Variants in PALM2AKAP2 observed in about 807,000 individuals in gnomAD.
PALM2AKAP2 encodes PALM2 and AKAP2 fusion.
In PALM2AKAP2, 37 loss-of-function variants were observed where a neutral mutation model predicts 71.5. That is an observed-to-expected ratio of 0.52 (90% confidence interval 0.40 to 0.68). The LOEUF is 0.68. PALM2AKAP2 is among the 30% of genes least tolerant of loss of function. The probability of loss-of-function intolerance (pLI) is 0.00; values close to 1 mark genes in which losing one functional copy is unlikely to be tolerated. For missense variants in PALM2AKAP2, 1,224 were observed against 1,191.8 expected, an observed-to-expected ratio of 1.03 and a Z score of -0.40; for synonymous variants, 468 against 478.8, an observed-to-expected ratio of 0.98 and a Z score of 0.29.
rs149434210 is a variant in PALM2AKAP2, at chr9:109,770,024, G to A, written c.6-10464G>A. On this transcript the variant is annotated intron_variant, in intron 1 of 6. Transcript: ENST00000374531. Reference sequence around the variant, plus strand: ...GGCAGTAACCCAAGCCCAGAGAGGGGATTCCTTGGCATTTGTGCCTTTTCT... The same window carrying A: ...GGCAGTAACCCAAGCCCAGAGAGGGAATTCCTTGGCATTTGTGCCTTTTCT... 9.1e-3 allele frequency among the ~76,000 whole-genome samples: 1,383 copies of A among 152,254 alleles called. 13 individuals are homozygous for A. Among genetic ancestry groups the A allele is most frequent in the Non-Finnish European group, 0.014 (935 of 68,002 alleles).
intron 1 of PALM2AKAP2, among the ~76,000 whole-genome samples, chr9:109,727,914 A>G (rs1587884807): frequency 6.6e-6 from 1 of 152,234 alleles, no homozygotes; most frequent in African/African-American, 2.4e-5. Flanking sequence ...ATGTAAACAC[A>G]TATTTCAGAG....
chr9:110,101,322 T>A (rs1403575144), intron 1 of PALM2AKAP2, among the ~76,000 whole-genome samples: 1 of 152,080 alleles, frequency 6.6e-6, no homozygotes, highest in East Asian at 1.9e-4. Context: ...CTCCTGAGTG[T>A]CCAAGGGTGG....
intron 6 of PALM2AKAP2, chr9:109,942,695 C>T: frequency 6.3e-7 from 1 of 1,584,818 alleles, no homozygotes; most frequent in Non-Finnish European, 8.6e-7. Flanking sequence ...GCTGTGTACG[C>T]CATGGAAATT....
In PALM2AKAP2 at chr9:110,016,109, T is replaced by C. The variant is rs1564261628; in HGVS notation, c.582+70T>C. On this transcript the variant is annotated intron_variant, in intron 7 of 9. Transcript: ENST00000302798. ...GTAAAGGCAGCCGATGGCAGGTTTT[T>C]CTGGGGGCAAAATGAACACTACCAA... The C allele has an allele frequency of 2.0e-6, 3 of 1,470,694 alleles. No individual in the cohort carries two copies. The East Asian group carries it at 6.9e-5, about 34-fold the overall frequency. The allele number at this position is 1,470,694 out of a possible 1,614,324, so 91.1% of individuals were successfully genotyped here.
Position 109,916,686 on chromosome 9 carries a change from G to C in PALM2AKAP2, c.258-7049G>C, listed in dbSNP as rs78341485. ...CTTTGTCGAGTTTTTCTCACCACCT[G>C]TATCAGTTGAGAATTGCATTCAGCT... On this transcript the variant is annotated intron_variant, in intron 3 of 9. Coordinates refer to the PALM2AKAP2 transcript ENST00000302798. Among the ~76,000 whole-genome samples, 517 of 152,334 alleles carry C rather than the reference G, an allele frequency of 3.4e-3. 5 individuals are homozygous for C. Among genetic ancestry groups the C allele is most frequent in the African/African-American group, 0.012 (498 of 41,578 alleles).
At chr9:109,753,888 G>A (rs4503174) in intron 1 of PALM2AKAP2, among the ~76,000 whole-genome samples, 31,064 of 152,010 alleles carry the variant, frequency 0.2, 3,565 homozygotes, top group East Asian at 0.37. Flanking sequence ...CAAGTTTATT[G>A]TAGAAAGTTT....
chr9:109,671,827 G>A (rs186714023), intron 1 of PALM2AKAP2, among the ~76,000 whole-genome samples: 2 of 152,200 alleles, frequency 1.3e-5, no homozygotes, highest in East Asian at 3.9e-4. Flanking sequence ...ACAGTTAGCT[G>A]TATTCCTAGG....
chr9:109,857,826 G>A (rs1022868260), intron 1 of PALM2AKAP2, among the ~76,000 whole-genome samples: 9 of 152,140 alleles, frequency 5.9e-5, no homozygotes, highest in Non-Finnish European at 8.8e-5. Context: ...GAAAAACTGC[G>A]GGGCAATTCT....
intron 6 of PALM2AKAP2, among the ~76,000 whole-genome samples, chr9:109,980,553 A>C (rs554548514): frequency 1.9e-4 from 29 of 152,260 alleles, no homozygotes; most frequent in African/African-American, 7.0e-4. Context: ...TGGCCTCCAA[A>C]AGCCCTGACT....
At chr9:109,748,311 G>C (rs1386991491) in intron 1 of PALM2AKAP2, among the ~76,000 whole-genome samples, 1 of 152,070 alleles carries the variant, frequency 6.6e-6, no homozygotes, top group Admixed American at 6.6e-5. Context: ...GCAGTTGAGG[G>C]TACATGAACA....
intron 2 of PALM2AKAP2, 51 bp from the exon 3 acceptor site, chr9:109,880,500 G>A: frequency 6.2e-7 from 1 of 1,606,250 alleles, no homozygotes; most frequent in Non-Finnish European, 8.5e-7. Flanking sequence ...GGAGAGGACA[G>A]TGTGGACTGA....
At chr9:110,062,771 A>G (rs778484054) in intron 1 of PALM2AKAP2, among the ~76,000 whole-genome samples, 26 of 152,228 alleles carry the variant, frequency 1.7e-4, no homozygotes, top group Non-Finnish European at 3.1e-4. Context: ...ATAGTTGTAA[A>G]AGGAAGTTAA....
In PALM2AKAP2 at chr9:109,967,000, A is replaced by C. The variant is rs532068893; in HGVS notation, c.496+34972A>C. On this transcript the variant is annotated intron_variant, in intron 6 of 9. Coordinates refer to the PALM2AKAP2 transcript ENST00000302798. ...ACAAATCATCCAAACCTAGAAGCTA[A>C]AACGAAAATGATTTATGTTCTATGC... is the stretch of plus-strand genomic sequence containing the variant. 3.3e-5 allele frequency among the ~76,000 whole-genome samples: 5 copies of C among 152,350 alleles called. No individual in the cohort carries two copies. In the East Asian group the frequency reaches 9.6e-4, roughly 29 times the overall value.
At chr9:110,011,101 A>T in intron 6 of PALM2AKAP2, among the ~76,000 whole-genome samples, 1 of 144,868 alleles carries the variant, frequency 6.9e-6, no homozygotes, top group South Asian at 2.1e-4. Context: ...TTCTCTATAT[A>T]TTCCATATAT....
chr9:109,885,049 A>G (rs1276103138), intron 3 of PALM2AKAP2, among the ~76,000 whole-genome samples: 3 of 152,238 alleles, frequency 2.0e-5, no homozygotes, highest in Non-Finnish European at 2.9e-5. Context: ...CAAATAAAGC[A>G]TGCAAATTTC....
chr9:110,148,253 G>A (rs1252730031), intron 2 of PALM2AKAP2, among the ~76,000 whole-genome samples: 1 of 152,078 alleles, frequency 6.6e-6, no homozygotes, highest in East Asian at 1.9e-4. Context: ...TCCTTCTAGA[G>A]TTTTCATCAT....
intron 2 of PALM2AKAP2, among the ~76,000 whole-genome samples, chr9:109,875,624 C>G (rs766877067): frequency 6.6e-6 from 1 of 152,164 alleles, no homozygotes; most frequent in African/African-American, 2.4e-5. Context: ...CTACTCAAAT[C>G]GTGGTCCTCA....
At chr9:109,945,546 A>T (rs1209194780) in intron 6 of PALM2AKAP2, 2 of 152,226 alleles carry the variant, frequency 1.3e-5, no homozygotes, top group Non-Finnish European at 2.9e-5. Flanking sequence ...ACCTATTTAC[A>T]TAGAGGGAGA....
At chr9:109,917,880 C>T (rs1043187843) in intron 3 of PALM2AKAP2, among the ~76,000 whole-genome samples, 1 of 152,122 alleles carries the variant, frequency 6.6e-6, no homozygotes, top group Non-Finnish European at 1.5e-5. Context: ...CCATGGCCAG[C>T]TTTATCTTCA....
Sources: allele counts gnomAD v4.1 joint callset (sites outside exome capture counted in the v4.1 genomes callset), GRCh38; gene constraint gnomAD v4.1.1; transcripts MANE v1.5; gene names NCBI Gene and HGNC (gene_info 2026-07-23, HGNC 2026-07-21).